Variants in UNC13C observed in about 807,000 individuals in gnomAD.
The protein encoded by UNC13C is protein unc-13 homolog C.
UNC13C carries 174 observed loss-of-function variants against 245.4 expected under a neutral mutation model. The observed-to-expected ratio is 0.71, with a 90% CI of 0.63 to 0.80. The LOEUF (loss-of-function observed/expected upper bound fraction) is 0.80, where lower values mean the gene tolerates loss of function less well. UNC13C is among the 30% of genes least tolerant of loss of function. UNC13C has a pLI of 0.00. For synonymous variants in UNC13C, 992 were observed against 895.1 expected (o/e 1.11, Z -1.93); for missense variants, 2,829 against 2,602.9 (o/e 1.09, Z -1.89).
At chr15:53,866,202 A>T in the UNC13C span, among the ~76,000 whole-genome samples, 12 of 152,230 alleles carry the variant, frequency 7.9e-5, no homozygotes, top group Non-Finnish European at 5.9e-5. Context: ...GCTTAGAAAT[A>T]TGTGGCAGTG....
the UNC13C span, among the ~76,000 whole-genome samples, chr15:53,953,045 T>G: frequency 6.6e-6 from 1 of 152,322 alleles, no homozygotes; most frequent in East Asian, 1.9e-4. Context: ...TAGATATGAA[T>G]AAGTTGTAAT....
At chr15:54,121,119 TCAAA>T (rs2030637151) in intron 2 of UNC13C, among the ~76,000 whole-genome samples, 1 of 152,132 alleles carries the variant, frequency 6.6e-6, no homozygotes. Flanking sequence ...TGAAATGCTA[TCAAA>T]CAGTGTCACA....
intron 18 of UNC13C, among the ~76,000 whole-genome samples, chr15:54,394,835 C>G (rs1056667670): frequency 1.3e-5 from 2 of 151,686 alleles, no homozygotes; most frequent in Non-Finnish European, 3.0e-5. Context: ...AATCATGTGC[C>G]ACAAAATATA....
At chr15:54,514,253 C>G (rs528910038) in intron 24 of UNC13C, among the ~76,000 whole-genome samples, 7 of 152,186 alleles carry the variant, frequency 4.6e-5, no homozygotes, top group Non-Finnish European at 7.4e-5. Context: ...CAGAATTCAC[C>G]CTTTGATATG....
At chr15:54,026,489 G>GAT in intron 2 of UNC13C, among the ~76,000 whole-genome samples, 1 of 152,318 alleles carries the variant, frequency 6.6e-6, no homozygotes, top group African/African-American at 2.4e-5. Flanking sequence ...TTTCTCTACT[G>GAT]ATTGCTAAAG....
At chr15:54,215,276 C>G (rs1258883654) in intron 4 of UNC13C, among the ~76,000 whole-genome samples, 2 of 151,818 alleles carry the variant, frequency 1.3e-5, no homozygotes, top group East Asian at 3.9e-4. Flanking sequence ...GGCTTTTTTA[C>G]TTCCTCAACT....
At chr15:54,139,224 C>A (rs951963373) in intron 2 of UNC13C, among the ~76,000 whole-genome samples, 6 of 150,988 alleles carry the variant, frequency 4.0e-5, no homozygotes, top group African/African-American at 1.2e-4. Context: ...TCCCAAAGTC[C>A]TGGGATTACA....
At chr15:54,602,954 T>C (rs1899525438) in intron 30 of UNC13C, among the ~76,000 whole-genome samples, 1 of 21,510 alleles carries the variant, frequency 4.6e-5, no homozygotes, top group African/African-American at 6.3e-4. Flanking sequence ...GACTCAGGTT[T>C]CATCCTTGAG....
At chr15:53,881,142 G>GTT in the UNC13C span, among the ~76,000 whole-genome samples, 1 of 152,096 alleles carries the variant, frequency 6.6e-6, no homozygotes, top group African/African-American at 2.4e-5. Context: ...GGGATTGTGT[G>GTT]TGTGTGTGTA....
At chr15:54,158,836 A>T (rs893898764) in intron 4 of UNC13C, among the ~76,000 whole-genome samples, 7 of 151,934 alleles carry the variant, frequency 4.6e-5, no homozygotes, top group African/African-American at 1.7e-4. Flanking sequence ...AAAATTATGT[A>T]AAGATGAGGT....
Position 54,408,113 on chromosome 15 carries a change from G to T in UNC13C, c.4848-6869G>T, listed in dbSNP as rs560444452. Among the ~76,000 whole-genome samples the T allele has an allele frequency of 5.4e-5, 8 of 147,100 alleles. No individual in the cohort carries two copies. In the South Asian group the frequency reaches 1.8e-3, roughly 32 times the overall value. On this transcript the variant is annotated intron_variant, in intron 18 of 32. Coordinates refer to ENST00000260323, the MANE Select transcript of UNC13C (RefSeq NM_001080534.3). Reference sequence around the variant, plus strand: ...CTACTCGGGAGGCTGAGGCAGGAGAGTGGCATGAACCCGAGAGGCGGAGTT... The same window carrying T: ...CTACTCGGGAGGCTGAGGCAGGAGATTGGCATGAACCCGAGAGGCGGAGTT...
At chr15:54,104,908 C>T (rs1431941773) in intron 2 of UNC13C, among the ~76,000 whole-genome samples, 2 of 152,096 alleles carry the variant, frequency 1.3e-5, no homozygotes, top group African/African-American at 4.8e-5. Context: ...GAGAGTTACA[C>T]TCTGGGGTAT....
chr15:54,074,858 AC>A (rs1337343825), intron 2 of UNC13C, among the ~76,000 whole-genome samples: 4 of 144,360 alleles, frequency 2.8e-5, no homozygotes, highest in African/African-American at 7.6e-5. Flanking sequence ...CTATTTGAAT[AC>A]CCTTTATTTC....
At chr15:54,619,807 A>C (rs1203909473) in intron 30 of UNC13C, among the ~76,000 whole-genome samples, 2 of 152,180 alleles carry the variant, frequency 1.3e-5, no homozygotes, top group African/African-American at 4.8e-5. Context: ...ATGGATTACT[A>C]ATAATAAAGG....
chr15:54,357,237 G>T (rs1187429805), intron 17 of UNC13C, among the ~76,000 whole-genome samples: 1 of 151,896 alleles, frequency 6.6e-6, no homozygotes, highest in African/African-American at 2.4e-5. Flanking sequence ...AAATTGTGAT[G>T]AAAACATTGT....
intron 19 of UNC13C, among the ~76,000 whole-genome samples, chr15:54,432,243 T>C (rs2040886843): frequency 6.6e-6 from 1 of 151,634 alleles, no homozygotes; most frequent in Non-Finnish European, 1.5e-5. Context: ...TTCTTGCTTA[T>C]TTAAGTAAGA....
At chr15:54,577,269 C>T (rs939005664) in intron 30 of UNC13C, among the ~76,000 whole-genome samples, 2 of 152,012 alleles carry the variant, frequency 1.3e-5, no homozygotes, top group African/African-American at 2.4e-5. Context: ...ACTCAAAAAC[C>T]GACCAGGAAA....
chr15:54,450,836 C>T (rs12439254), intron 19 of UNC13C, among the ~76,000 whole-genome samples: 12 of 152,264 alleles, frequency 7.9e-5, no homozygotes, highest in Admixed American at 7.8e-4. Flanking sequence ...GTTGGAAATG[C>T]AGAAATCACC....
At chr15:54,201,826 A>G (rs1417758665) in intron 4 of UNC13C, among the ~76,000 whole-genome samples, 1 of 152,062 alleles carries the variant, frequency 6.6e-6, no homozygotes, top group African/African-American at 2.4e-5. Context: ...AAATCAGACA[A>G]GAGAAGGAAC....
Sources: allele counts gnomAD v4.1 joint callset (sites outside exome capture counted in the v4.1 genomes callset), GRCh38; gene constraint gnomAD v4.1.1; transcripts MANE v1.5; gene names NCBI Gene and HGNC (gene_info 2026-07-23, HGNC 2026-07-21).